THEMIS2: variants seen among roughly 807,000 people sequenced by gnomAD.
The protein encoded by THEMIS2 is protein THEMIS2.
THEMIS2 carries 29 observed loss-of-function variants against 46.8 expected under a neutral mutation model. The observed-to-expected ratio is 0.62, with a 90% CI of 0.46 to 0.84. The LOEUF (loss-of-function observed/expected upper bound fraction) is 0.84, where lower values mean the gene tolerates loss of function less well. Ranked by LOEUF, THEMIS2 falls within the 40% of genes least tolerant of loss-of-function variation. THEMIS2 has a pLI of 0.00. For missense variants in THEMIS2, 698 were observed against 834.7 expected (o/e 0.84, Z 2.02); for synonymous variants, 335 against 349.1 (o/e 0.96, Z 0.45).
intron 1 of THEMIS2, among the ~76,000 whole-genome samples, chr1:27,875,351 C>T (rs775104691): frequency 3.9e-5 from 6 of 152,234 alleles, no homozygotes; most frequent in East Asian, 1.9e-4. Flanking sequence ...AACACAATGA[C>T]GCATCAGTAG....
chr1:27,876,501 CAG>C, intron 1 of THEMIS2, 85 bp from the exon 2 acceptor site: 1 of 1,517,806 alleles, frequency 6.6e-7, no homozygotes, highest in East Asian at 2.3e-5. Flanking sequence ...AAAGGCATGG[CAG>C]AGCAGAGCTT....
chr1:27,876,132 C>T (rs12023566), intron 1 of THEMIS2, among the ~76,000 whole-genome samples: 40,468 of 150,606 alleles, frequency 0.27, 5,554 homozygotes, highest in Middle Eastern at 0.39. Context: ...CTCCAGGGAG[C>T]CACTGACCCC....
chr1:27,877,200 C>T (rs143920801), intron 2 of THEMIS2, among the ~76,000 whole-genome samples: 4 of 152,312 alleles, frequency 2.6e-5, no homozygotes, highest in Non-Finnish European at 5.9e-5. Context: ...TAACCTGCCT[C>T]AGGATCTGTG....
chr1:27,881,395 G>A (rs997148853), intron 3 of THEMIS2, among the ~76,000 whole-genome samples: 1 of 151,540 alleles, frequency 6.6e-6, no homozygotes, highest in Non-Finnish European at 1.5e-5. Flanking sequence ...AGCTTGCAGT[G>A]AGCCAAGATC....
rs763418997 is a variant in THEMIS2, at chr1:27,885,303, A to C, written c.1728A>C (p.Gln576His). Residue 576 changes from glutamine (Q) to histidine (H), a missense_variant, in exon 5 of 6, where the codon CAA (glutamine) becomes CAC (histidine). By Grantham distance (24) the Gln-to-His change is conservative (BLOSUM62 0). Coordinates refer to ENST00000373921, the MANE Select transcript of THEMIS2 (RefSeq NM_001105556.3). ...TGCTTTTTCTCCCAAAGTCTTCTCA[A>C]GTCTTAGGATTGCAGCAACACGCTC... ...HSSEGGVKSS[Q>H]VLGLQQHARL... 3.1e-6 allele frequency: 5 copies of C among 1,613,706 alleles called. No individual in the cohort carries two copies. The African/African-American group carries it at 5.3e-5, about 17-fold the overall frequency.
chr1:27,881,172 C>T (rs576280117), intron 3 of THEMIS2, among the ~76,000 whole-genome samples: 89 of 151,866 alleles, frequency 5.9e-4, no homozygotes, highest in Middle Eastern at 3.4e-3. Flanking sequence ...AGGTTGGGGC[C>T]AAGCACAGTG....
At chr1:27,885,765 T>G (rs776240153) in intron 5 of THEMIS2, 102 bp from the exon 6 acceptor site, 158 of 1,192,092 alleles carry the variant, frequency 1.3e-4, no homozygotes, top group Non-Finnish European at 1.9e-4. Context: ...CCGTAGGGCA[T>G]CCAGGCCACC....
At chr1:27,875,268 C>T (rs1261343674) in intron 1 of THEMIS2, among the ~76,000 whole-genome samples, 2 of 152,230 alleles carry the variant, frequency 1.3e-5, no homozygotes, top group Non-Finnish European at 2.9e-5. Context: ...CATGAGCCAC[C>T]ATTCCTGGCC....
rs750284195 is a variant in THEMIS2, at chr1:27,879,871, G to T, written c.463G>T (p.Val155Phe). ...RCVLGMEGQQ[V>F]ILHLPLSQKG... is the part of the protein sequence containing the mutation. ...TGTCCTGGGCATGGAGGGTCAGCAG[G>T]TCATCCTGCACCTGCCCCTATCCCA... Residue 155 changes from valine to phenylalanine, a missense_variant, in exon 3 of 6, where the codon GTC becomes TTC. Physicochemically the swap from Val to Phe is conservative, Grantham distance 50 (BLOSUM62 -1). Transcript: ENST00000373921. 6.2e-7 allele frequency: 1 copy of T among 1,612,980 alleles called. No homozygotes were observed. Among genetic ancestry groups the T allele is most frequent in the East Asian group, 2.2e-5 (1 of 44,826 alleles).
intron 1 of THEMIS2, among the ~76,000 whole-genome samples, chr1:27,875,859 C>G (rs892391461): frequency 5.9e-5 from 9 of 151,970 alleles, no homozygotes; most frequent in Non-Finnish European, 1.5e-5. Flanking sequence ...CGCCACCATG[C>G]CTGGCTAATT....
chr1:27,879,941 T>C lies in THEMIS2; in HGVS notation c.533T>C (p.Leu178Pro), dbSNP rs2089650913. Residue 178 changes from leucine to proline, a missense_variant, in exon 3 of 6, where the codon CTG becomes CCG. By Grantham distance (98) the Leu-to-Pro change is moderately conservative (BLOSUM62 -3). Transcript: ENST00000373921. ...WTWEPSAPRT[L>P]LQVLQDPALK... ...TGGGAGCCTAGTGCCCCTCGAACTC[T>C]GCTCCAGGTCCTACAGGATCCAGCC... is the stretch of plus-strand genomic sequence containing the variant. 1 of 1,611,650 alleles carries C rather than the reference T, an allele frequency of 6.2e-7. No individual in the cohort carries two copies. Among genetic ancestry groups the C allele is most frequent in the South Asian group, 1.1e-5 (1 of 90,668 alleles).
intron 3 of THEMIS2, among the ~76,000 whole-genome samples, chr1:27,881,543 G>A (rs1227815964): frequency 6.6e-6 from 1 of 151,080 alleles, no homozygotes; most frequent in South Asian, 2.1e-4. Flanking sequence ...AGATGGCAGC[G>A]GGGGCCGGGC....
chr1:27,884,758 A>G (rs951178154), intron 4 of THEMIS2: 1 of 155,980 alleles, frequency 6.4e-6, no homozygotes, highest in African/African-American at 2.4e-5. Flanking sequence ...CTCTGGGTCC[A>G]AACCTTGGCC....
At chr1:27,881,709 T>C (rs1166244731) in intron 3 of THEMIS2, among the ~76,000 whole-genome samples, 1 of 151,966 alleles carries the variant, frequency 6.6e-6, no homozygotes, top group Non-Finnish European at 1.5e-5. Context: ...GCGCCTGTAA[T>C]CCCAGCTACT....
intron 2 of THEMIS2, among the ~76,000 whole-genome samples, chr1:27,877,435 A>G (rs12139177): frequency 3.3e-5 from 5 of 151,734 alleles, no homozygotes; most frequent in Non-Finnish European, 2.9e-5. Context: ...CCACCATTCT[A>G]CTGCCTCAGC....
rs2089767001 is a variant in THEMIS2, at chr1:27,886,084, C to T, written c.*162C>T. On this transcript the variant is annotated 3_prime_UTR_variant, in exon 6 of 6. Transcript: ENST00000373921. Reference sequence around the variant, plus strand: ...GATTTGATGGACACTGCACCAGCTTCCTTCAGGTTCTAGATTCTTGCTACT... The same window carrying T: ...GATTTGATGGACACTGCACCAGCTTTCTTCAGGTTCTAGATTCTTGCTACT... 1.5e-6 allele frequency: 1 copy of T among 648,138 alleles called. No homozygotes were observed. The allele number at this position is 648,138 out of a possible 1,614,324, so 40.1% of individuals were successfully genotyped here.
chr1:27,875,426 A>G (rs2089558472), intron 1 of THEMIS2, among the ~76,000 whole-genome samples: 1 of 152,226 alleles, frequency 6.6e-6, no homozygotes, highest in African/African-American at 2.4e-5. Flanking sequence ...TGGAAGGCCC[A>G]TGCTCTGACA....
chr1:27,877,578 T>C (rs12140013), intron 2 of THEMIS2, among the ~76,000 whole-genome samples: 23,407 of 151,972 alleles, frequency 0.15, 1,948 homozygotes, highest in Non-Finnish European at 0.2. Context: ...CTGCCCGCCT[T>C]GGCCTCCCAA....
At chr1:27,880,413 T>C (rs2089659468) in intron 3 of THEMIS2, among the ~76,000 whole-genome samples, 1 of 152,144 alleles carries the variant, frequency 6.6e-6, no homozygotes, top group African/African-American at 2.4e-5. Flanking sequence ...CTTGAACTCC[T>C]GACCTCAGGT....
Sources: allele counts gnomAD v4.1 joint callset (sites outside exome capture counted in the v4.1 genomes callset), GRCh38; gene constraint gnomAD v4.1.1; transcripts MANE v1.5; gene names NCBI Gene and HGNC (gene_info 2026-07-23, HGNC 2026-07-21).